CYB5A: variants seen among roughly 807,000 people sequenced by gnomAD.
CYB5A encodes the protein cytochrome b5.
In CYB5A, 10 loss-of-function variants were observed where a neutral mutation model predicts 16.2. The ratio of observed to expected loss-of-function variants is 0.62; its 90% CI spans 0.38 to 1.04. The LOEUF (loss-of-function observed/expected upper bound fraction) is 1.04. Ranked by LOEUF, CYB5A falls within the 50% of genes least tolerant of loss-of-function variation. The probability of loss-of-function intolerance (pLI) is 0.01; values close to 1 mark genes in which losing one functional copy is unlikely to be tolerated. For synonymous variants in CYB5A, 62 were observed against 57.0 expected (o/e 1.09, Z -0.40); for missense variants, 161 against 165.9 (o/e 0.97, Z 0.16).
rs1215129579 is a variant in CYB5A, at chr18:74,251,539, T to G, written c.*2045A>C. ...TTGACTGAGTAGAATGGGAGGCAGGTTGGCCCTAAGCAGTTTCCAGCTTGA... is the reference window on the plus strand; with the variant it reads ...TTGACTGAGTAGAATGGGAGGCAGGGTGGCCCTAAGCAGTTTCCAGCTTGA... On this transcript the variant is annotated 3_prime_UTR_variant, in exon 5 of 5. Coordinates refer to ENST00000340533, the MANE Select transcript of CYB5A (RefSeq NM_148923.4). 1 of 152,136 alleles carries G rather than the reference T, an allele frequency of 6.6e-6. No homozygotes were observed. The highest frequency in any genetic ancestry group is 2.4e-5 in the African/African-American group (1 of 41,424). 9.4% of individuals were successfully genotyped at this position (152,136 alleles called of 1,614,324 possible).
chr18:74,275,829 GATAA>G (rs1187674633), intron 1 of CYB5A, among the ~76,000 whole-genome samples: 5 of 152,170 alleles, frequency 3.3e-5, no homozygotes, highest in Non-Finnish European at 4.4e-5. Flanking sequence ...CAATAGAGCA[GATAA>G]ATAAAGATGA....
chr18:74,270,786 C>T (rs1157619250), intron 1 of CYB5A, among the ~76,000 whole-genome samples: 1 of 152,128 alleles, frequency 6.6e-6, no homozygotes, highest in Non-Finnish European at 1.5e-5. Context: ...GACTTGAGCA[C>T]CTTCGGGGTT....
Position 74,253,799 on chromosome 18 carries a change from C to T in CYB5A, c.324-134G>A, listed in dbSNP as rs537059621. The T allele has an allele frequency of 3.0e-4, 199 of 673,062 alleles. 3 individuals carry two copies. The highest frequency in any genetic ancestry group is 2.7e-3 in the South Asian group (179 of 65,824). 41.7% of individuals were successfully genotyped at this position (673,062 alleles called of 1,614,324 possible). On this transcript the variant is annotated intron_variant, in intron 4 of 4. Coordinates refer to ENST00000340533, the MANE Select transcript of CYB5A (RefSeq NM_148923.4). ...GTAATGAATTTTGCTGAAAAGGCAACGTGGATTTGCTAAAAGTGACATGAG... is the reference window on the plus strand; with the variant it reads ...GTAATGAATTTTGCTGAAAAGGCAATGTGGATTTGCTAAAAGTGACATGAG...
At chr18:74,273,605 C>T (rs17089031) in intron 1 of CYB5A, among the ~76,000 whole-genome samples, 4,783 of 152,302 alleles carry the variant, frequency 0.031, 166 homozygotes, top group African/African-American at 0.095. Flanking sequence ...TCATCACCTA[C>T]GAAGCTGGCC....
In CYB5A at chr18:74,253,426, TC is replaced by T; in HGVS notation, c.*157del. The T allele has an allele frequency of 1.7e-6, 1 of 592,128 alleles. No homozygotes were observed. The highest frequency in any genetic ancestry group is 1.8e-5 in the South Asian group (1 of 54,714). 36.7% of individuals were successfully genotyped at this position (592,128 alleles called of 1,614,324 possible). On this transcript the variant is annotated 3_prime_UTR_variant, in exon 5 of 5. Coordinates refer to ENST00000340533, the MANE Select transcript of CYB5A (RefSeq NM_148923.4). ...AAAATTTGAGCGCAGAAAGGACAGTTCTTTTTGTTTTGTTTCTAATGTCGGA... is the reference window on the plus strand; with the variant it reads ...AAAATTTGAGCGCAGAAAGGACAGTTTTTTTGTTTTGTTTCTAATGTCGGA...
chr18:74,251,443 T>C lies in CYB5A; in HGVS notation c.*2141A>G, dbSNP rs1244677293. On this transcript the variant is annotated 3_prime_UTR_variant, in exon 5 of 5. Coordinates refer to ENST00000340533, the MANE Select transcript of CYB5A (RefSeq NM_148923.4). The stretch of plus-strand genomic sequence containing the variant: ...GAGAGGTGAGACACAAAGGGTTGCA[T>C]TCTTCTGAGTTTCTGATTAGCCTTT... The C allele has an allele frequency of 6.6e-6, 1 of 152,188 alleles. No homozygotes were observed. The highest frequency in any genetic ancestry group is 1.5e-5 in the Non-Finnish European group (1 of 68,056). 9.4% of individuals were successfully genotyped at this position (152,188 alleles called of 1,614,324 possible). A position where few individuals can be genotyped will look rare whatever the true frequency, so the allele number is the denominator to read the frequency against.
In CYB5A at chr18:74,263,398, G is replaced by A. The variant is rs756525538; in HGVS notation, c.209C>T (p.Thr70Ile). 2 of 1,614,128 alleles carry A rather than the reference G, an allele frequency of 1.2e-6. No individual in the cohort carries two copies. The highest frequency in any genetic ancestry group is 1.7e-6 in the Non-Finnish European group (2 of 1,179,990). Reference sequence around the variant, plus strand: ...TGTTTTGGACATTTCCCTGGCATCTGTAGAGTGCCCGACATCCTCAAAGTT... The same window carrying A: ...TGTTTTGGACATTTCCCTGGCATCTATAGAGTGCCCGACATCCTCAAAGTT... ...TENFEDVGHS[T>I]DAREMSKTFI... The change falls in exon 2 of 5, where the codon ACA (threonine) becomes ATA (isoleucine). Residue 70 changes from threonine to isoleucine, a missense_variant. Transcript: ENST00000340533.
chr18:74,282,828 C>A (rs1983170573), intron 1 of CYB5A, among the ~76,000 whole-genome samples: 1 of 152,134 alleles, frequency 6.6e-6, no homozygotes, highest in African/African-American at 2.4e-5. Context: ...CTTTCCAAAC[C>A]AGGGCAAAGA....
chr18:74,278,073 T>C lies in CYB5A; in HGVS notation c.129+13674A>G, dbSNP rs577179382. Among the ~76,000 whole-genome samples the C allele has an allele frequency of 1.2e-4, 18 of 152,316 alleles. No homozygotes were observed. In the South Asian group the frequency reaches 3.7e-3, roughly 32 times the overall value. On this transcript the variant is annotated intron_variant, in intron 1 of 4. Transcript: ENST00000340533. ...AATGCTCACTGTGTATAGGGAAGTATTCTGAGCACTTGTGTGGACCCTTCT... is the reference window on the plus strand; with the variant it reads ...AATGCTCACTGTGTATAGGGAAGTACTCTGAGCACTTGTGTGGACCCTTCT...
At chr18:74,288,181 G>C (rs1424996749) in intron 1 of CYB5A, among the ~76,000 whole-genome samples, 1 of 152,172 alleles carries the variant, frequency 6.6e-6, no homozygotes, top group Non-Finnish European at 1.5e-5. Context: ...ATTATTTCAG[G>C]AGGTCGGAGC....
intron 1 of CYB5A, among the ~76,000 whole-genome samples, chr18:74,280,187 C>T (rs4891541): frequency 0.12 from 18,011 of 152,066 alleles, 1,375 homozygotes; most frequent in Admixed American, 0.19. Context: ...GGGGGAATAA[C>T]CTTCCAGTGC....
intron 1 of CYB5A, among the ~76,000 whole-genome samples, chr18:74,279,065 G>C (rs1982988647): frequency 1.3e-5 from 2 of 152,216 alleles, no homozygotes; most frequent in African/African-American, 4.8e-5. Flanking sequence ...CACCAGTCCT[G>C]CCAGGCCCAG....
At chr18:74,270,769 C>T (rs1349682678) in intron 1 of CYB5A, among the ~76,000 whole-genome samples, 1 of 152,168 alleles carries the variant, frequency 6.6e-6, no homozygotes, top group Non-Finnish European at 1.5e-5. Flanking sequence ...CATCCTTCTA[C>T]ATCAGGGACT....
chr18:74,256,950 G>C lies in CYB5A; in HGVS notation c.289-1175C>G, dbSNP rs1599245190. On this transcript the variant is annotated intron_variant, in intron 3 of 4. Transcript: ENST00000340533. ...TTTAAAATCTTAGCATCTATAAAAA[G>C]TATTCATAACTACAGCAAGAGGATT... 10 of 1,060,762 alleles carry C rather than the reference G, an allele frequency of 9.4e-6. No homozygotes were observed. The East Asian group carries it at 2.0e-4, about 21-fold the overall frequency. 65.7% of individuals were successfully genotyped at this position (1,060,762 alleles called of 1,614,324 possible).
intron 1 of CYB5A, among the ~76,000 whole-genome samples, chr18:74,276,516 A>G (rs17230973): frequency 0.15 from 21,673 of 145,446 alleles, 1,684 homozygotes; most frequent in Admixed American, 0.22. Flanking sequence ...CTTACGAAGT[A>G]CAAAAGATTC....
At position 74,291,859 on chromosome 18, in the gene CYB5A, T is replaced by C; in HGVS notation, c.17A>G (p.Asp6Gly). MAEQS[D>G]EAVKYYTLEE... ...TAGGGTGTAGTACTTCACGGCCTCG[T>C]CCGACTGCTCTGCCATCTCGGTTCG... Residue 6 changes from aspartate (D) to glycine (G), a missense_variant, in exon 1 of 5, where the codon GAC becomes GGC. Transcript: ENST00000340533. 6.2e-7 allele frequency: 1 copy of C among 1,613,048 alleles called. No homozygotes were observed. Among genetic ancestry groups the C allele is most frequent in the Non-Finnish European group, 8.5e-7 (1 of 1,179,826 alleles).
intron 1 of CYB5A, among the ~76,000 whole-genome samples, chr18:74,280,888 A>T (rs1983072227): frequency 1.3e-5 from 2 of 152,160 alleles, no homozygotes; most frequent in South Asian, 4.1e-4. Flanking sequence ...TAAGTCTTAA[A>T]ATGGGGCAGT....
At chr18:74,254,026 A>T (rs902937866) in intron 4 of CYB5A, among the ~76,000 whole-genome samples, 1 of 152,060 alleles carries the variant, frequency 6.6e-6, no homozygotes, top group Non-Finnish European at 1.5e-5. Context: ...AAAATACAAA[A>T]AGTAGCTGGG....
intron 1 of CYB5A, among the ~76,000 whole-genome samples, chr18:74,268,361 C>T (rs138752430): frequency 2.0e-5 from 3 of 151,968 alleles, no homozygotes; most frequent in South Asian, 2.1e-4. Context: ...GTTGCAGGGG[C>T]GGGGAACAGC....
Sources: gnomAD v4.1 joint callset for allele counts (sites outside exome capture counted in the v4.1 genomes callset) on GRCh38, gnomAD v4.1.1 for gene constraint, MANE v1.5 for transcripts, NCBI Gene and HGNC (gene_info 2026-07-23, HGNC 2026-07-21) for gene names.